The following ADGRE3 variants were observed in gnomAD, a reference collection of about 807,000 sequenced individuals.
ADGRE3 encodes EGF-like module receptor 3.
A neutral mutation model predicts 80.1 loss-of-function variants in ADGRE3; 88 were observed. That is an observed-to-expected ratio of 1.10 (90% confidence interval 0.93 to 1.31). The LOEUF is 1.31. ADGRE3 is among the 40% of genes most tolerant of loss of function. The pLI is 0.00. For missense variants in ADGRE3, 715 were observed against 776.5 expected (o/e 0.92, Z 0.94); for synonymous variants, 281 against 294.8 (o/e 0.95, Z 0.48).
chr19:14,617,341 C>CCTCCCTCTCTCTCTTT, downstream of ADGRE3, among the ~76,000 whole-genome samples: 2 of 57,170 alleles, frequency 3.5e-5, no homozygotes, highest in Admixed American at 2.0e-4. Context: ...TCCCTCCCTC[C>CCTCCCTCTCTCTCTTT]CTTTCTTTCT....
At chr19:14,661,735 C>T (rs540479910) in intron 4 of ADGRE3, among the ~76,000 whole-genome samples, 140 of 152,108 alleles carry the variant, frequency 9.2e-4, no homozygotes, top group Non-Finnish European at 1.5e-3. Flanking sequence ...GGATGAGGAG[C>T]GTGGATCAAG....
rs757784261 is a variant in ADGRE3 at position 14,638,293 on chromosome 19, G to A, written c.1296C>T (p.Ala432=). The A allele has an allele frequency of 1.7e-5, 27 of 1,614,002 alleles. No homozygotes were observed. Among genetic ancestry groups the A allele is most frequent in the Middle Eastern group, 1.6e-4 (1 of 6,084 alleles). The change falls in exon 11 of 16, where the codon GCC becomes GCT. Residue 432 remains alanine, a synonymous_variant. Transcript: ENST00000253673. ...CCTCCAGCAGCATCCAGGTGAAGGC[G>A]GCCAGGTAGAGATAGTGCAAAGCAC... The part of the protein sequence containing the change: ...IAGALHYLYL[A]AFTWMLLEGV...
At position 14,662,107 on chromosome 19, in the gene ADGRE3, A is replaced by G. The variant is rs558389180; in HGVS notation, c.211T>C (p.Cys71Arg). 1.2e-6 allele frequency: 2 copies of G among 1,613,942 alleles called. No individual in the cohort carries two copies. The highest frequency in any genetic ancestry group is 8.5e-7 in the Non-Finnish European group (1 of 1,179,946). ...PLETCNDINE[C>R]TPPYSVYCGF... is the part of the protein sequence containing the mutation. Reference sequence around the variant, plus strand: ...CAATATACACTATAGGGTGGTGTACATTCATTAATGTCTGGAACACAAAGA... The same window carrying G: ...CAATATACACTATAGGGTGGTGTACGTTCATTAATGTCTGGAACACAAAGA... Residue 71 changes from cysteine to arginine, a missense_variant, in exon 4 of 16, where the codon TGT (cysteine) becomes CGT (arginine). Cys to Arg is a radical substitution (Grantham distance 180). Coordinates refer to ENST00000253673, the MANE Select transcript of ADGRE3 (RefSeq NM_032571.5).
intron 8 of ADGRE3, among the ~76,000 whole-genome samples, chr19:14,645,491 G>A (rs112913914): frequency 0.046 from 6,983 of 151,766 alleles, 183 homozygotes; most frequent in East Asian, 0.11. Flanking sequence ...AGACATCATC[G>A]CTACTAAAAA....
chr19:14,643,615 G>GAGAA (rs1463414197), intron 9 of ADGRE3, among the ~76,000 whole-genome samples: 2 of 152,176 alleles, frequency 1.3e-5, no homozygotes, highest in African/African-American at 4.8e-5. Context: ...TCATTGCTGG[G>GAGAA]AGAATGAACT....
intron 1 of ADGRE3, among the ~76,000 whole-genome samples, chr19:14,673,700 C>G (rs1436781844): frequency 6.6e-6 from 1 of 152,156 alleles, no homozygotes. Flanking sequence ...ATGTAAGGTG[C>G]ATAGTGAGTT....
downstream of ADGRE3, among the ~76,000 whole-genome samples, chr19:14,618,213 C>T (rs750236809): frequency 2.0e-5 from 3 of 151,966 alleles, no homozygotes; most frequent in Non-Finnish European, 2.9e-5. Flanking sequence ...AATTAATATA[C>T]GATTACCTCA....
chr19:14,616,795 T>A (rs2075077474), downstream of ADGRE3, among the ~76,000 whole-genome samples: 2 of 71,876 alleles, frequency 2.8e-5, no homozygotes, highest in African/African-American at 3.7e-5. Flanking sequence ...TTCTAGAATT[T>A]TTTTTTTTTT....
At chr19:14,658,222 T>A (rs1287250900) in intron 5 of ADGRE3, among the ~76,000 whole-genome samples, 2 of 151,794 alleles carry the variant, frequency 1.3e-5, no homozygotes, top group Non-Finnish European at 2.9e-5. Context: ...TAATGGTATA[T>A]CTGTATCTAT....
chr19:14,650,902 G>A (rs1487618458), intron 7 of ADGRE3, among the ~76,000 whole-genome samples, 183 bp downstream of exon 7: 1 of 151,146 alleles, frequency 6.6e-6, no homozygotes. Flanking sequence ...CTCCCATACT[G>A]AATAACAGAA....
At chr19:14,660,828 T>C (rs1971926801) in intron 4 of ADGRE3, among the ~76,000 whole-genome samples, 1 of 151,614 alleles carries the variant, frequency 6.6e-6, no homozygotes, top group Non-Finnish European at 1.5e-5. Context: ...ATGTATTCAT[T>C]CCCAAAGAAT....
At chr19:14,615,627 T>G (rs1164016490), downstream of ADGRE3, among the ~76,000 whole-genome samples, 1 of 151,492 alleles carries the variant, frequency 6.6e-6, no homozygotes, top group Non-Finnish European at 1.5e-5. Flanking sequence ...CCGGGCGTGG[T>G]GGTGCGTGCC....
chr19:14,645,597 T>C (rs1971378193), intron 8 of ADGRE3, among the ~76,000 whole-genome samples: 1 of 151,390 alleles, frequency 6.6e-6, no homozygotes, highest in East Asian at 1.9e-4. Flanking sequence ...AGGCGGAGGT[T>C]GCAGTGAGCT....
intron 1 of ADGRE3, among the ~76,000 whole-genome samples, 185 bp from the exon 2 acceptor site, chr19:14,669,037 TGGACC>T (rs1972180273): frequency 1.3e-5 from 2 of 152,174 alleles, no homozygotes; most frequent in East Asian, 3.8e-4. Context: ...GGACCACTGT[TGGACC>T]CAGCAATCCC....
At chr19:14,618,343 G>A (rs941450279), downstream of ADGRE3, among the ~76,000 whole-genome samples, 2 of 151,882 alleles carry the variant, frequency 1.3e-5, no homozygotes, top group South Asian at 4.2e-4. Context: ...GCTGCTTGAG[G>A]TCAGGAGTTT....
At chr19:14,634,040 GTGCT>G (rs1288727267) in intron 11 of ADGRE3, among the ~76,000 whole-genome samples, 60 of 152,174 alleles carry the variant, frequency 3.9e-4, no homozygotes, top group African/African-American at 1.3e-3. Flanking sequence ...GCCTCCCAAA[GTGCT>G]GGGATTACAG....
Position 14,620,560 on chromosome 19 carries a change from ATATATATATTTTTTTTTTTT to A in ADGRE3, c.1921-1109_1921-1090del, listed in dbSNP as rs1970564930. Among the ~76,000 whole-genome samples, 10 of 23,692 alleles carry A rather than the reference ATATATATATTTTTTTTTTTT, an allele frequency of 4.2e-4. 1 individual carries two copies. Among genetic ancestry groups the A allele is most frequent in the East Asian group, 1.0e-3 (1 of 966 alleles). The allele number at this position is 23,692 out of a possible 152,430, so 15.5% of individuals were successfully genotyped here. A position where few individuals can be genotyped will look rare whatever the true frequency, so the allele number is the denominator to read the frequency against. ...TTTTATATATATATTATATATATAT[ATATATATATTTTTTTTTTTT>A]TTTTTTTTTTTTTTTTTGAGACAGG... On this transcript the variant is annotated intron_variant, in intron 15 of 15. Coordinates refer to ENST00000253673, the MANE Select transcript of ADGRE3 (RefSeq NM_032571.5).
intron 13 of ADGRE3, among the ~76,000 whole-genome samples, chr19:14,631,135 G>C (rs180911815): frequency 6.6e-6 from 1 of 152,060 alleles, no homozygotes; most frequent in African/African-American, 2.4e-5. Context: ...GCCTCCCAAA[G>C]TGTTGGGATT....
At chr19:14,625,805 C>T (rs73506108) in intron 14 of ADGRE3, among the ~76,000 whole-genome samples, 13,095 of 152,178 alleles carry the variant, frequency 0.086, 632 homozygotes, top group East Asian at 0.14. Context: ...ACCTTGAGGA[C>T]ATCAGGCTAA....
Sources: allele counts gnomAD v4.1 joint callset (sites outside exome capture counted in the v4.1 genomes callset), GRCh38; gene constraint gnomAD v4.1.1; transcripts MANE v1.5; gene names NCBI Gene and HGNC (gene_info 2026-07-23, HGNC 2026-07-21).